NALF2: variants seen among roughly 807,000 people sequenced by gnomAD.
The protein encoded by NALF2 is NALCN channel auxiliary factor 2.
A neutral mutation model predicts 24.8 loss-of-function variants in NALF2; 1 was observed. The observed-to-expected ratio is 0.04, with a 90% CI of 0.01 to 0.19. The LOEUF is 0.19. NALF2 is among the 10% of genes least tolerant of loss of function. The probability of loss-of-function intolerance (pLI) is 1.00; values close to 1 mark genes in which losing one functional copy is unlikely to be tolerated. For synonymous variants in NALF2, 254 were observed against 189.8 expected (o/e 1.34, Z -2.78); for missense variants, 458 against 409.6 (o/e 1.12, Z -1.02).
At position 69,529,595 on chromosome X, in the gene NALF2, G is replaced by A. The variant is rs1468525373; in HGVS notation, c.1058G>A (p.Arg353His). Residue 353 changes from arginine to histidine, a missense_variant, in exon 3 of 3, where the codon CGT (arginine) becomes CAT (histidine). Coordinates refer to ENST00000252338, the MANE Select transcript of NALF2 (RefSeq NM_015686.3). The stretch of plus-strand genomic sequence containing the variant: ...GGGTTGCTGGATACTTCACCAAAGC[G>A]TCTGGAAACCAAGTGCTGTGACGTG... Reference protein sequence around the residue: ...CTGLLDTSPKRLETKCCDVQW... With the variant: ...CTGLLDTSPKHLETKCCDVQW... The A allele has an allele frequency of 5.8e-6, 7 of 1,207,736 alleles. No individual in the cohort carries two copies. The highest frequency in any genetic ancestry group is 5.3e-5 in the African/African-American group (3 of 56,861).
Position 69,529,791 on chromosome X carries a change from G to A in NALF2, c.1254G>A (p.Leu418=), listed in dbSNP as rs61730420. 4.3e-3 allele frequency: 5,199 copies of A among 1,209,788 alleles called. 152 individuals carry two copies. The African/African-American group carries it at 0.081, about 19-fold the overall frequency. Residue 418 remains leucine, a synonymous_variant, in exon 3 of 3, where the codon CTG becomes CTA. Coordinates refer to ENST00000252338, the MANE Select transcript of NALF2 (RefSeq NM_015686.3). The stretch of plus-strand genomic sequence containing the variant: ...GTGTCAGCAACAAGCCCGCCCTGCT[G>A]CCGGTCTCTGGGGGCTCCCGCCTCA... ...PGRVSNKPAL[L]PVSGGSRLSP...
At chrX:69,528,628 T>C (rs1930843808) in intron 1 of NALF2, among the ~76,000 whole-genome samples, 1 of 112,443 alleles carries the variant, frequency 8.9e-6, no homozygotes. Flanking sequence ...TCATTATATA[T>C]AGGTAGTCTC....
rs778608662 is a variant in NALF2 at position 69,529,095 on chromosome X, C to T, written c.964C>T (p.Arg322Trp). The change falls in exon 2 of 3, where the codon CGG becomes TGG. Residue 322 changes from arginine to tryptophan, a missense_variant. Arg to Trp is a moderately radical substitution (Grantham distance 101). Coordinates refer to ENST00000252338, the MANE Select transcript of NALF2 (RefSeq NM_015686.3). The stretch of plus-strand genomic sequence containing the variant: ...GCAATACTGCCTGGAGGTGCAGACC[C>T]GGTGCCCCTTTATACTCCCCGACAA... ...CKQYCLEVQT[R>W]CPFILPDNEE... 20 of 1,210,849 alleles carry T rather than the reference C, an allele frequency of 1.7e-5. No individual in the cohort carries two copies. The highest frequency in any genetic ancestry group is 2.0e-5 in the Non-Finnish European group (18 of 894,991).
intron 1 of NALF2, among the ~76,000 whole-genome samples, chrX:69,511,519 C>T (rs966045694): frequency 1.8e-5 from 2 of 112,042 alleles, no homozygotes; most frequent in Non-Finnish European, 3.8e-5. Flanking sequence ...GACACACATT[C>T]ATACAGACAC....
intron 1 of NALF2, among the ~76,000 whole-genome samples, chrX:69,521,196 C>G (rs758145875): frequency 2.7e-5 from 3 of 112,074 alleles, no homozygotes; most frequent in South Asian, 7.6e-4. Flanking sequence ...TACCTACAGT[C>G]TCTAAACTCA....
chrX:69,513,446 C>T (rs1930614021), intron 1 of NALF2, among the ~76,000 whole-genome samples: 1 of 112,185 alleles, frequency 8.9e-6, no homozygotes, highest in South Asian at 3.7e-4. Context: ...AGTGCCAGTC[C>T]ACCAAGTTCT....
Position 69,532,474 on chromosome X carries a change from C to A in NALF2, c.*2518C>A, listed in dbSNP as rs756947662. 9.0e-6 allele frequency: 1 copy of A among 111,456 alleles called. No individual in the cohort carries two copies. Among genetic ancestry groups the A allele is most frequent in the African/African-American group, 3.3e-5 (1 of 30,558 alleles). 9.2% of individuals were successfully genotyped at this position (111,456 alleles called of 1,213,427 possible). ...AGAGGCCTCTCTGCTCTTGTTTAAC[C>A]CCATAAAGAAATAAATGGTAAGACT... On this transcript the variant is annotated 3_prime_UTR_variant, in exon 3 of 3. Coordinates refer to ENST00000252338, the MANE Select transcript of NALF2 (RefSeq NM_015686.3).
intron 1 of NALF2, among the ~76,000 whole-genome samples, chrX:69,507,953 A>G (rs891949646): frequency 4.5e-5 from 5 of 111,287 alleles, no homozygotes; most frequent in Admixed American, 9.6e-5. Context: ...TGAACTAAAT[A>G]CAAATCTCTC....
rs1175114318 is a variant in NALF2, at chrX:69,505,484, C to A, written c.202C>A (p.Arg68=). ...CCATCTGTGGCTGTGCGCGGGGGCC[C>A]GGCCCCGGGCCAGGGAGCTGAGCAG... ...ADHLWLCAGA[R]PRARELSSAM... Residue 68 remains arginine, a synonymous_variant, in exon 1 of 3, where the codon CGG becomes AGG. Transcript: ENST00000252338. The A allele has an allele frequency of 7.3e-6, 8 of 1,090,361 alleles. No homozygotes were observed. Among genetic ancestry groups the A allele is most frequent in the Non-Finnish European group, 9.5e-6 (8 of 841,043 alleles). 89.9% of individuals were successfully genotyped at this position (1,090,361 alleles called of 1,213,427 possible).
intron 2 of NALF2, 50 bp downstream of exon 2, chrX:69,529,214 G>A (rs1373868644): frequency 4.3e-6 from 5 of 1,150,642 alleles, no homozygotes; most frequent in Non-Finnish European, 4.7e-6. Context: ...GCCCAGGGCA[G>A]GCATCAGGTC....
intron 1 of NALF2, among the ~76,000 whole-genome samples, chrX:69,521,046 A>G (rs753869719): frequency 1.8e-5 from 2 of 112,001 alleles, no homozygotes; most frequent in South Asian, 3.8e-4. Flanking sequence ...TTTGAAACCT[A>G]TTAAAGGCTC....
chrX:69,529,652 A>T lies in NALF2; in HGVS notation c.1115A>T (p.Lys372Met). ...QWVSCEAKKK[K>M]FKESEAPKTH... ...GTCTCCTGTGAGGCGAAGAAGAAGAAGTTCAAGGAGTCTGAGGCCCCCAAA... is the reference window on the plus strand; with the variant it reads ...GTCTCCTGTGAGGCGAAGAAGAAGATGTTCAAGGAGTCTGAGGCCCCCAAA... Residue 372 changes from lysine (K) to methionine (M), a missense_variant, in exon 3 of 3, where the codon AAG becomes ATG. Coordinates refer to ENST00000252338, the MANE Select transcript of NALF2 (RefSeq NM_015686.3). The T allele has an allele frequency of 1.6e-5, 19 of 1,210,583 alleles. No homozygotes were observed. Among genetic ancestry groups the T allele is most frequent in the Non-Finnish European group, 2.0e-5 (18 of 894,964 alleles).
At chrX:69,518,921 T>C (rs962391347) in intron 1 of NALF2, among the ~76,000 whole-genome samples, 2 of 112,345 alleles carry the variant, frequency 1.8e-5, no homozygotes, top group African/African-American at 6.5e-5. Flanking sequence ...TAAAGGAAGA[T>C]TTAGCTCTTT....
chrX:69,506,206 C>T, intron 1 of NALF2, 63 bp downstream of exon 1: 1 of 1,123,429 alleles, frequency 8.9e-7, no homozygotes, highest in Non-Finnish European at 1.2e-6. Context: ...CGCAGTGGGA[C>T]CGGGAGAAAA....
chrX:69,525,359 A>G lies in NALF2; in HGVS notation c.862-3634A>G, dbSNP rs1292321271. ...GTGAGGCAGGCTCTGGGTCCAGGCT[A>G]CAGACATTGAGGCAGAGCCTATGGA... On this transcript the variant is annotated intron_variant, in intron 1 of 2. Transcript: ENST00000252338. 4.5e-5 allele frequency among the ~76,000 whole-genome samples: 5 copies of G among 111,625 alleles called. No homozygotes were observed. In the South Asian group the frequency reaches 1.5e-3, roughly 34 times the overall value.
Position 69,505,445 on chromosome X carries a change from G to C in NALF2, c.163G>C (p.Val55Leu). The C allele has an allele frequency of 8.8e-7, 1 of 1,140,080 alleles. No individual in the cohort carries two copies. The highest frequency in any genetic ancestry group is 1.2e-6 in the Non-Finnish European group (1 of 862,429). 94.0% of individuals were successfully genotyped at this position (1,140,080 alleles called of 1,213,427 possible). A position where few individuals can be genotyped will look rare whatever the true frequency, so the allele number is the denominator to read the frequency against. Residue 55 changes from valine to leucine, a missense_variant, in exon 1 of 3, where the codon GTG (valine) becomes CTG (leucine). Physicochemically the swap from Val to Leu is conservative, Grantham distance 32. Transcript: ENST00000252338. ...CCTGGCGTCCCTGCTCTTCTTCACC[G>C]TGCTGCTCGCTGACCATCTGTGGCT... is the stretch of plus-strand genomic sequence containing the variant. Reference protein sequence around the residue: ...LSLASLLFFTVLLADHLWLCA... With the variant: ...LSLASLLFFTLLLADHLWLCA...
Position 69,531,221 on chromosome X carries a change from T to C in NALF2, c.*1265T>C, listed in dbSNP as rs966660545. On this transcript the variant is annotated 3_prime_UTR_variant, in exon 3 of 3. Coordinates refer to ENST00000252338, the MANE Select transcript of NALF2 (RefSeq NM_015686.3). ...CTCTTCACCCTGTAGCAGGGTCTTC[T>C]GCTCCAGTCACCCCGGCCTCTTGCA... The C allele has an allele frequency of 8.8e-6, 1 of 113,172 alleles. No individual in the cohort carries two copies. Among genetic ancestry groups the C allele is most frequent in the African/African-American group, 3.2e-5 (1 of 31,045 alleles). The allele number at this position is 113,172 out of a possible 1,213,427, so 9.3% of individuals were successfully genotyped here.
At position 69,505,849 on chromosome X, in the gene NALF2, C is replaced by T; in HGVS notation, c.567C>T (p.Gly189=). ...FPSAKKNLLK[G]HFRNFTLSFC... is the part of the protein sequence containing the mutation. ...CCGCCAAAAAAAACTTGCTCAAAGG[C>T]CACTTTCGGAACTTCACTCTCTCCT... The change falls in exon 1 of 3, where the codon GGC becomes GGT. Residue 189 remains glycine (G), a synonymous_variant. Coordinates refer to ENST00000252338, the MANE Select transcript of NALF2 (RefSeq NM_015686.3). 1.7e-6 allele frequency: 2 copies of T among 1,211,572 alleles called. No homozygotes were observed. Among genetic ancestry groups the T allele is most frequent in the East Asian group, 3.0e-5 (1 of 33,794 alleles).
chrX:69,513,645 C>A lies in NALF2; in HGVS notation c.861+7502C>A, dbSNP rs867664437. On this transcript the variant is annotated intron_variant, in intron 1 of 2. Coordinates refer to ENST00000252338, the MANE Select transcript of NALF2 (RefSeq NM_015686.3). ...TTATAGTCTCAGAATCTTATAATAT[C>A]TTTTTTTCCAGTTAACCAAAAAGGC... Among the ~76,000 whole-genome samples, 4 of 96,416 alleles carry A rather than the reference C, an allele frequency of 4.1e-5. No homozygotes were observed. In the East Asian group the frequency reaches 1.3e-3, roughly 30 times the overall value. 83.7% of individuals were successfully genotyped at this position (96,416 alleles called of 115,157 possible). A position where few individuals can be genotyped will look rare whatever the true frequency, so the allele number is the denominator to read the frequency against.
Sources: allele counts gnomAD v4.1 joint callset (sites outside exome capture counted in the v4.1 genomes callset), GRCh38; gene constraint gnomAD v4.1.1; transcripts MANE v1.5; gene names NCBI Gene and HGNC (gene_info 2026-07-23, HGNC 2026-07-21).